Variants in EPHA6 observed in about 807,000 individuals in gnomAD.
EPHA6 encodes the protein ephrin type-A receptor 6.
A neutral mutation model predicts 112.0 loss-of-function variants in EPHA6; 50 were observed. The observed-to-expected ratio is 0.45, with a 90% CI of 0.36 to 0.56. The LOEUF (loss-of-function observed/expected upper bound fraction) is 0.56, where lower values mean the gene tolerates loss of function less well. EPHA6 is among the 20% of genes least tolerant of loss of function. The pLI is 0.00. For missense variants in EPHA6, 1,280 were observed against 1,417.4 expected, an observed-to-expected ratio of 0.90 and a Z score of 1.56; for synonymous variants, 529 against 490.7, an observed-to-expected ratio of 1.08 and a Z score of -1.03.
chr3:97,125,191 A>ATTATT (rs1168695507), intron 3 of EPHA6, among the ~76,000 whole-genome samples: 1 of 152,204 alleles, frequency 6.6e-6, no homozygotes, highest in Non-Finnish European at 1.5e-5. Context: ...AGAAGGGACC[A>ATTATT]TTATTTTCCT....
chr3:97,124,312 AG>A (rs1341661127), intron 3 of EPHA6, among the ~76,000 whole-genome samples: 1 of 151,864 alleles, frequency 6.6e-6, no homozygotes, highest in Non-Finnish European at 1.5e-5. Flanking sequence ...GAGGAAACTT[AG>A]GGAGGAATAA....
At chr3:97,483,511 A>T (rs554547447) in intron 9 of EPHA6, among the ~76,000 whole-genome samples, 1 of 152,220 alleles carries the variant, frequency 6.6e-6, no homozygotes. Flanking sequence ...GCATGAGTTC[A>T]TGAAACCTAG....
At chr3:97,086,226 G>A (rs1045010675) in intron 3 of EPHA6, among the ~76,000 whole-genome samples, 4 of 151,930 alleles carry the variant, frequency 2.6e-5, no homozygotes, top group African/African-American at 9.7e-5. Context: ...TTGGATTAAT[G>A]CAATATCATT....
In EPHA6 at chr3:97,244,276, C is replaced by T. The variant is rs370143584; in HGVS notation, c.1595C>T (p.Thr532Met). The stretch of plus-strand genomic sequence containing the variant: ...CCATTCACAGCTATTACAGTGACCA[C>T]GGATCAAGATGGTAAGTTCCACTGC... ...PKPFTAITVT[T>M]DQDAPSLIGV... is the part of the protein sequence containing the mutation. Residue 532 changes from threonine (T) to methionine (M), a missense_variant, in exon 5 of 18, where the codon ACG becomes ATG. Around this residue, in one of 4 missense-constraint regions of EPHA6, gnomAD observed 878 missense variants for 999.7 expected, o/e 0.88. Transcript: ENST00000389672. 5.6e-6 allele frequency: 9 copies of T among 1,612,886 alleles called. No homozygotes were observed. The highest frequency in any genetic ancestry group is 2.7e-5 in the African/African-American group (2 of 74,962).
intron 3 of EPHA6, among the ~76,000 whole-genome samples, chr3:97,167,453 A>G (rs1056947720): frequency 1.3e-5 from 2 of 151,970 alleles, no homozygotes; most frequent in Admixed American, 1.3e-4. Flanking sequence ...ATAAATATTT[A>G]TTTTAGGTTT....
In EPHA6 at chr3:97,338,766, T is replaced by C. The variant is rs2083173486; in HGVS notation, c.1607-66384T>C. ...GCATTACTCAGCCCCCGAAGTCTAC[T>C]ATTGTCAGTATTCTTTTGGTTGCAA... On this transcript the variant is annotated intron_variant, in intron 5 of 17. Coordinates refer to ENST00000389672, the MANE Select transcript of EPHA6 (RefSeq NM_001080448.3). 2.6e-5 allele frequency among the ~76,000 whole-genome samples: 4 copies of C among 152,198 alleles called. No individual in the cohort carries two copies. In the South Asian group the frequency reaches 8.3e-4, roughly 31 times the overall value.
At chr3:97,208,441 G>T (rs1358272333) in intron 3 of EPHA6, among the ~76,000 whole-genome samples, 4 of 152,072 alleles carry the variant, frequency 2.6e-5, no homozygotes, top group African/African-American at 9.7e-5. Flanking sequence ...ACTACAGCTG[G>T]ACTGTAAAAA....
intron 2 of EPHA6, among the ~76,000 whole-genome samples, chr3:96,981,275 G>T (rs1347554039): frequency 2.0e-5 from 3 of 152,076 alleles, no homozygotes; most frequent in African/African-American, 7.2e-5. Flanking sequence ...GTTGAATTTT[G>T]TCAAAGGCCT....
At chr3:97,103,881 C>T (rs1180387059) in intron 3 of EPHA6, among the ~76,000 whole-genome samples, 3 of 151,658 alleles carry the variant, frequency 2.0e-5, no homozygotes, top group African/African-American at 7.3e-5. Context: ...TAGCTGTATG[C>T]CTAGGTATTT....
intron 12 of EPHA6, among the ~76,000 whole-genome samples, chr3:97,603,029 T>A (rs1449096345): frequency 6.6e-6 from 1 of 152,016 alleles, no homozygotes; most frequent in African/African-American, 2.4e-5. Flanking sequence ...ATGCTTTTAA[T>A]TTGTATATCA....
intron 6 of EPHA6, among the ~76,000 whole-genome samples, chr3:97,427,360 T>C (rs2089211023): frequency 6.6e-6 from 1 of 152,098 alleles, no homozygotes. Flanking sequence ...CATGCAGCCA[T>C]AAAAAAGAAT....
chr3:97,250,693 T>C (rs1365886636), intron 5 of EPHA6, among the ~76,000 whole-genome samples: 1 of 152,112 alleles, frequency 6.6e-6, no homozygotes, highest in East Asian at 1.9e-4. Context: ...GTTAGGCAAA[T>C]GTCTAACAAA....
At chr3:97,399,963 G>T (rs1428626240) in intron 5 of EPHA6, among the ~76,000 whole-genome samples, 2 of 151,118 alleles carry the variant, frequency 1.3e-5, no homozygotes, top group Admixed American at 1.3e-4. Context: ...GTCTATTTTT[G>T]CTTTTGTTTT....
intron 5 of EPHA6, among the ~76,000 whole-genome samples, chr3:97,345,487 G>A (rs2083489654): frequency 6.6e-6 from 1 of 152,218 alleles, no homozygotes; most frequent in African/African-American, 2.4e-5. Flanking sequence ...AGAGTTTGAT[G>A]ACAATGTGAT....
chr3:97,581,392 T>C (rs1315520857), intron 11 of EPHA6, among the ~76,000 whole-genome samples: 1 of 152,234 alleles, frequency 6.6e-6, no homozygotes, highest in Non-Finnish European at 1.5e-5. Flanking sequence ...GTAACTCCCA[T>C]TTTTAAATGT....
intron 2 of EPHA6, among the ~76,000 whole-genome samples, chr3:96,877,480 C>T (rs1399136101): frequency 2.6e-5 from 4 of 152,004 alleles, no homozygotes; most frequent in Admixed American, 1.3e-4. Context: ...ATCTGAATCA[C>T]ATCTGGGAAT....
At chr3:97,539,207 G>A (rs865811643) in intron 11 of EPHA6, among the ~76,000 whole-genome samples, 12 of 147,170 alleles carry the variant, frequency 8.2e-5, no homozygotes, top group Admixed American at 1.4e-4. Flanking sequence ...GAGTGCAGTC[G>A]CAAGATCTGG....
intron 3 of EPHA6, among the ~76,000 whole-genome samples, chr3:97,160,817 C>G (rs1269535786): frequency 6.6e-6 from 1 of 152,140 alleles, no homozygotes; most frequent in African/African-American, 2.4e-5. Context: ...TCCCCTTCAC[C>G]AGTGTTTCAG....
At chr3:96,831,917 T>G (rs1460093849) in intron 1 of EPHA6, among the ~76,000 whole-genome samples, 1 of 152,080 alleles carries the variant, frequency 6.6e-6, no homozygotes, top group Non-Finnish European at 1.5e-5. Context: ...CCCTTGGGTT[T>G]AATTGATTTC....
Sources: allele counts gnomAD v4.1 joint callset (sites outside exome capture counted in the v4.1 genomes callset), GRCh38; gene constraint gnomAD v4.1.1; regional missense constraint gnomAD v4.1.1; transcripts MANE v1.5; gene names NCBI Gene and HGNC (gene_info 2026-07-23, HGNC 2026-07-21).